The following NSUN3 variants were observed in gnomAD, a reference collection of about 807,000 sequenced individuals.
NSUN3 encodes the protein tRNA (cytosine(34)-C(5))-methyltransferase, mitochondrial.
Under a neutral mutation model 36.8 loss-of-function variants are expected in NSUN3, and 24 were observed. That is an observed-to-expected ratio of 0.65 (90% CI 0.47 to 0.92). The LOEUF (loss-of-function observed/expected upper bound fraction) is 0.92. Ranked by LOEUF, NSUN3 falls within the 40% of genes least tolerant of loss-of-function variation. The pLI is 0.00. For missense variants in NSUN3, 381 were observed against 392.8 expected, an observed-to-expected ratio of 0.97 and a Z score of 0.25; for synonymous variants, 146 against 145.2, an observed-to-expected ratio of 1.01 and a Z score of -0.04.
chr3:94,087,400 A>G (rs1342032391), intron 3 of NSUN3, among the ~76,000 whole-genome samples: 1 of 152,136 alleles, frequency 6.6e-6, no homozygotes, highest in African/African-American at 2.4e-5. Flanking sequence ...TACAAAGCTT[A>G]TGTTTTAGGA....
intron 2 of NSUN3, among the ~76,000 whole-genome samples, chr3:94,073,520 T>C (rs1174802375): frequency 6.6e-6 from 1 of 152,228 alleles, no homozygotes; most frequent in Non-Finnish European, 1.5e-5. Context: ...TGGTATTTCA[T>C]TGTGGTTTTG....
At chr3:94,106,668 T>G (rs962838395) in intron 5 of NSUN3, among the ~76,000 whole-genome samples, 5 of 151,850 alleles carry the variant, frequency 3.3e-5, no homozygotes, top group Admixed American at 6.6e-5. Flanking sequence ...GTGGTCGGGG[T>G]TTTTTTTGTA....
At chr3:94,079,262 C>G (rs918611199) in intron 2 of NSUN3, among the ~76,000 whole-genome samples, 17 of 152,188 alleles carry the variant, frequency 1.1e-4, no homozygotes, top group African/African-American at 3.9e-4. Flanking sequence ...GGCCCCCACT[C>G]TCTTCTGGCT....
intron 2 of NSUN3, among the ~76,000 whole-genome samples, chr3:94,065,782 A>G (rs565339472): frequency 5.9e-5 from 9 of 152,238 alleles, no homozygotes; most frequent in Non-Finnish European, 1.0e-4. Context: ...GAAGAACTGA[A>G]TAATAAAGTA....
chr3:94,076,149 C>A lies in NSUN3; in HGVS notation c.123-7958C>A. The stretch of plus-strand genomic sequence containing the variant: ...TGTTCCTCTCCAATTTTACTTAAAT[C>A]CTAGACATTCAGTCTGCGATCAGTA... On this transcript the variant is annotated intron_variant, in intron 2 of 5. Coordinates refer to ENST00000314622, the MANE Select transcript of NSUN3 (RefSeq NM_022072.5). 3 of 1,249,420 alleles carry A rather than the reference C, an allele frequency of 2.4e-6. No individual in the cohort carries two copies. The South Asian group carries it at 3.6e-5, about 15-fold the overall frequency. The allele number at this position is 1,249,420 out of a possible 1,614,324, so 77.4% of individuals were successfully genotyped here.
rs190476852 is a variant in NSUN3, at chr3:94,102,839, G to A, written c.743+7685G>A. On this transcript the variant is annotated intron_variant, in intron 5 of 5. Coordinates refer to ENST00000314622, the MANE Select transcript of NSUN3 (RefSeq NM_022072.5). ...CAATCTTGAAAATAAGATGTTATCA[G>A]CATTTATTAATTTATTTACATTATC... Among the ~76,000 whole-genome samples the A allele has an allele frequency of 4.0e-4, 61 of 151,900 alleles. 1 individual carries two copies. The highest frequency in any genetic ancestry group is 6.6e-4 in the Non-Finnish European group (45 of 67,930).
At chr3:94,109,316 G>A (rs933174159) in intron 5 of NSUN3, among the ~76,000 whole-genome samples, 3 of 152,186 alleles carry the variant, frequency 2.0e-5, no homozygotes, top group Non-Finnish European at 4.4e-5. Context: ...TCCTTGATTT[G>A]GTAGTTAATT....
intron 5 of NSUN3, among the ~76,000 whole-genome samples, chr3:94,098,478 TTTTG>T (rs909563647): frequency 2.6e-4 from 40 of 152,188 alleles, no homozygotes; most frequent in African/African-American, 9.4e-4. Flanking sequence ...TTCACACTCT[TTTTG>T]TTTGTTTGTT....
At chr3:94,064,705 G>T (rs910333359) in intron 2 of NSUN3, among the ~76,000 whole-genome samples, 159 bp downstream of exon 2, 2 of 152,146 alleles carry the variant, frequency 1.3e-5, no homozygotes, top group Admixed American at 6.5e-5. Flanking sequence ...AGAAGAAATA[G>T]AATGAATCAT....
At position 94,114,647 on chromosome 3, in the gene NSUN3, T is replaced by C. The variant is rs183300498; in HGVS notation, c.744-11564T>C. On this transcript the variant is annotated intron_variant, in intron 5 of 5. Transcript: ENST00000314622. Reference sequence around the variant, plus strand: ...ATTGTATTTTAGATTCGGGGGTACATGTGCAGGTTTGTTACACGGATGTGT... The same window carrying C: ...ATTGTATTTTAGATTCGGGGGTACACGTGCAGGTTTGTTACACGGATGTGT... Among the ~76,000 whole-genome samples, 169 of 152,348 alleles carry C rather than the reference T, an allele frequency of 1.1e-3. 1 individual carries two copies. The highest frequency in any genetic ancestry group is 3.8e-3 in the African/African-American group (156 of 41,582).
At chr3:94,072,224 G>T (rs2077227201) in intron 2 of NSUN3, among the ~76,000 whole-genome samples, 1 of 152,132 alleles carries the variant, frequency 6.6e-6, no homozygotes. Flanking sequence ...GCCCCCTTTT[G>T]TAGCTCTGTG....
chr3:94,078,755 C>G (rs2077256520), intron 2 of NSUN3, among the ~76,000 whole-genome samples: 1 of 152,068 alleles, frequency 6.6e-6, no homozygotes, highest in Non-Finnish European at 1.5e-5. Context: ...AGGATTGGAA[C>G]TCCTGCTTAT....
chr3:94,069,004 A>G (rs1049622432), intron 2 of NSUN3, among the ~76,000 whole-genome samples: 8 of 152,206 alleles, frequency 5.3e-5, no homozygotes, highest in Non-Finnish European at 8.8e-5. Flanking sequence ...AGAGGTTAGA[A>G]CAATTGATAG....
Position 94,130,244 on chromosome 3 carries a change from T to C in NSUN3, c.*3754T>C, listed in dbSNP as rs979893001. 1.3e-5 allele frequency among the ~76,000 whole-genome samples: 2 copies of C among 152,182 alleles called. No individual in the cohort carries two copies. The highest frequency in any genetic ancestry group is 2.9e-5 in the Non-Finnish European group (2 of 68,028). On this transcript the variant is annotated 3_prime_UTR_variant, in exon 6 of 6. Transcript: ENST00000314622. Reference sequence around the variant, plus strand: ...GTGGGGGTGGGGGCCAAGGAGCTATTACTGCTGTTTGGAAATACTTGCCTC... The same window carrying C: ...GTGGGGGTGGGGGCCAAGGAGCTATCACTGCTGTTTGGAAATACTTGCCTC...
intron 2 of NSUN3, among the ~76,000 whole-genome samples, chr3:94,078,316 G>T (rs1445824469): frequency 6.6e-6 from 1 of 152,124 alleles, no homozygotes; most frequent in African/African-American, 2.4e-5. Flanking sequence ...TGTTTGTTAT[G>T]ATTTCCATTC....
rs541309917 is a variant in NSUN3, at chr3:94,074,559, A to C, written c.123-9548A>C. On this transcript the variant is annotated intron_variant, in intron 2 of 5. Coordinates refer to ENST00000314622, the MANE Select transcript of NSUN3 (RefSeq NM_022072.5). Reference sequence around the variant, plus strand: ...GTATTCCCAGGTATTTTATTCTCTTAGTAGCAATTGTGGATGGGAGTTCAC... The same window carrying C: ...GTATTCCCAGGTATTTTATTCTCTTCGTAGCAATTGTGGATGGGAGTTCAC... Among the ~76,000 whole-genome samples the C allele has an allele frequency of 3.3e-5, 5 of 152,168 alleles. No homozygotes were observed. The East Asian group carries it at 9.7e-4, about 29-fold the overall frequency.
chr3:94,094,333 G>A (rs888525565), intron 4 of NSUN3, 39 bp downstream of exon 4: 1 of 1,567,006 alleles, frequency 6.4e-7, no homozygotes, highest in Non-Finnish European at 8.7e-7. Context: ...TGGACGCCCA[G>A]TAATACCACT....
chr3:94,079,975 CGAG>C (rs946811968), intron 2 of NSUN3, among the ~76,000 whole-genome samples: 1 of 152,000 alleles, frequency 6.6e-6, no homozygotes, highest in Non-Finnish European at 1.5e-5. Flanking sequence ...CCCTTGCCGG[CGAG>C]GAGTTGTGAT....
Position 94,129,742 on chromosome 3 carries a change from CTTTTT to C in NSUN3, c.*3273_*3277del, listed in dbSNP as rs754390863. On this transcript the variant is annotated 3_prime_UTR_variant, in exon 6 of 6. Transcript: ENST00000314622. The stretch of plus-strand genomic sequence containing the variant: ...TCTATAAATTGTTTATATATGTTGT[CTTTTT>C]TTTTTTTTTTTTTTTTTTTTGAGAC... Among the ~76,000 whole-genome samples, 1 of 89,946 alleles carries C rather than the reference CTTTTT, an allele frequency of 1.1e-5. No individual in the cohort carries two copies. Among genetic ancestry groups the C allele is most frequent in the African/African-American group, 4.4e-5 (1 of 22,866 alleles). 59.0% of individuals were successfully genotyped at this position (89,946 alleles called of 152,430 possible).
Sources: gnomAD v4.1 joint callset for allele counts (sites outside exome capture counted in the v4.1 genomes callset) on GRCh38, gnomAD v4.1.1 for gene constraint, MANE v1.5 for transcripts, NCBI Gene and HGNC (gene_info 2026-07-23, HGNC 2026-07-21) for gene names.